Variants in GCNT2 observed in about 807,000 individuals in gnomAD.
GCNT2 encodes the protein N-acetyllactosaminide beta-1,6-N-acetylglucosaminyl-transferase.
In GCNT2, 34 loss-of-function variants were observed where a neutral mutation model predicts 34.2. The observed-to-expected ratio is 1.00, with a 90% CI of 0.76 to 1.32. The LOEUF (loss-of-function observed/expected upper bound fraction) is 1.32. GCNT2 is among the 40% of genes most tolerant of loss of function. The probability of loss-of-function intolerance (pLI) is 0.00; values close to 1 mark genes in which losing one functional copy is unlikely to be tolerated. For missense variants in GCNT2, 584 were observed against 489.4 expected (o/e 1.19, Z -1.82); for synonymous variants, 212 against 188.0 (o/e 1.13, Z -1.04).
chr6:10,615,705 TAGAC>T (rs34689073), intron 3 of GCNT2, among the ~76,000 whole-genome samples: 1,962 of 118,310 alleles, frequency 0.017, 38 homozygotes, highest in African/African-American at 0.081. Context: ...GGCCACTCCA[TAGAC>T]AGAGCAACCC....
At chr6:10,610,592 G>A (rs958902313) in intron 3 of GCNT2, among the ~76,000 whole-genome samples, 1 of 152,136 alleles carries the variant, frequency 6.6e-6, no homozygotes. Context: ...CTGGCTTGAA[G>A]GCATTTAGGC....
At chr6:10,593,277 A>G (rs1056555557) in intron 3 of GCNT2, among the ~76,000 whole-genome samples, 11 of 152,142 alleles carry the variant, frequency 7.2e-5, no homozygotes, top group Non-Finnish European at 1.3e-4. Context: ...CAACTCATTC[A>G]TCCTCCTGTC....
chr6:10,561,052 C>T (rs1004681520), intron 3 of GCNT2, among the ~76,000 whole-genome samples: 7 of 152,346 alleles, frequency 4.6e-5, no homozygotes, highest in African/African-American at 1.7e-4. Context: ...TTCTGACTTC[C>T]GGTACACCCT....
chr6:10,568,557 T>G (rs772219672), intron 3 of GCNT2, among the ~76,000 whole-genome samples: 18 of 152,198 alleles, frequency 1.2e-4, no homozygotes, highest in Admixed American at 7.2e-4. Context: ...ATATTTTGCT[T>G]CTTAAGACAT....
rs1456496924 is a variant in GCNT2 at position 10,529,448 on chromosome 6, C to T, written c.537C>T (p.Ala179=). ...ADLNCLEDLV[A]SEVPWKYVIN... ...TGAACTGCCTGGAAGACCTTGTGGC[C>T]TCTGAAGTTCCCTGGAAGTATGTCA... The change falls in exon 3 of 5, where the codon GCC becomes GCT. Residue 179 remains alanine (A), a synonymous_variant. Transcript: ENST00000495262. 3 of 1,614,004 alleles carry T rather than the reference C, an allele frequency of 1.9e-6. No individual in the cohort carries two copies. The highest frequency in any genetic ancestry group is 2.5e-6 in the Non-Finnish European group (3 of 1,180,016).
At chr6:10,569,274 C>CACACACACACACACACACA (rs1491123758) in intron 3 of GCNT2, among the ~76,000 whole-genome samples, 145 of 137,100 alleles carry the variant, frequency 1.1e-3, no homozygotes, top group South Asian at 2.4e-3. Context: ...CACACACACA[C>CACACACACACACACACACA]CCCCTAGGTA....
rs376038250 is a variant in GCNT2 at position 10,529,523 on chromosome 6, T to G, written c.612T>G (p.Val204=). The G allele has an allele frequency of 6.2e-7, 1 of 1,613,938 alleles. No homozygotes were observed. Among genetic ancestry groups the G allele is most frequent in the African/African-American group, 1.3e-5 (1 of 74,888 alleles). Residue 204 remains valine (V), a synonymous_variant, in exon 3 of 5, where the codon GTT becomes GTG. Transcript: ENST00000495262. ...DFPLKTNREI[V]QYLKGFKGKN... The stretch of plus-strand genomic sequence containing the variant: ...CCCTGAAAACCAACAGGGAAATAGT[T>G]CAGTATCTGAAGGGATTTAAAGGGA...
At chr6:10,601,684 G>A (rs1431809537) in intron 3 of GCNT2, among the ~76,000 whole-genome samples, 1 of 152,144 alleles carries the variant, frequency 6.6e-6, no homozygotes, top group African/African-American at 2.4e-5. Context: ...GCTCACGCCT[G>A]TAATCTCAGC....
At chr6:10,605,971 G>T (rs1765293298) in intron 3 of GCNT2, among the ~76,000 whole-genome samples, 1 of 152,132 alleles carries the variant, frequency 6.6e-6, no homozygotes, top group African/African-American at 2.4e-5. Context: ...TGCCTCAGCT[G>T]CTTCACTTGA....
intron 3 of GCNT2, among the ~76,000 whole-genome samples, chr6:10,564,913 A>G (rs1198657120): frequency 6.6e-6 from 1 of 151,244 alleles, no homozygotes; most frequent in Admixed American, 6.6e-5. Flanking sequence ...GCCAATAAAT[A>G]GTAGAGAGAG....
intron 3 of GCNT2, among the ~76,000 whole-genome samples, chr6:10,531,804 A>G (rs906074375): frequency 6.6e-6 from 1 of 151,412 alleles, no homozygotes; most frequent in Admixed American, 6.6e-5. Flanking sequence ...TGGCCACCCT[A>G]CTATACGGGG....
At chr6:10,589,360 C>G (rs192124478) in intron 3 of GCNT2, among the ~76,000 whole-genome samples, 25 of 111,382 alleles carry the variant, frequency 2.2e-4, no homozygotes, top group African/African-American at 5.5e-4. Context: ...TGGTGTGTTT[C>G]TAGTGTGTGT....
intron 3 of GCNT2, among the ~76,000 whole-genome samples, chr6:10,544,379 T>C (rs1762172190): frequency 1.3e-5 from 2 of 150,774 alleles, no homozygotes; most frequent in Non-Finnish European, 3.0e-5. Flanking sequence ...CTGAGGCAGG[T>C]GGATCACGAG....
rs562841202 is a variant in GCNT2, at chr6:10,531,430, G to A, written c.925+1594G>A. On this transcript the variant is annotated intron_variant, in intron 3 of 4. Coordinates refer to ENST00000495262, the MANE Select transcript of GCNT2 (RefSeq NM_145649.5). ...TGGTTCAACCCTGGATGCACATTAC[G>A]ATCATCTGGGGCTTCTAAAAATAAC... is the stretch of plus-strand genomic sequence containing the variant. Among the ~76,000 whole-genome samples, 3 of 152,302 alleles carry A rather than the reference G, an allele frequency of 2.0e-5. No homozygotes were observed. In the South Asian group the frequency reaches 6.2e-4, roughly 32 times the overall value.
chr6:10,577,949 C>T (rs1317031205), intron 3 of GCNT2, among the ~76,000 whole-genome samples: 1 of 152,154 alleles, frequency 6.6e-6, no homozygotes, highest in African/African-American at 2.4e-5. Context: ...CTTGATTTAA[C>T]CCACCACCAC....
intron 3 of GCNT2, among the ~76,000 whole-genome samples, chr6:10,535,048 G>A (rs1018258156): frequency 1.3e-5 from 2 of 152,114 alleles, no homozygotes; most frequent in Non-Finnish European, 2.9e-5. Flanking sequence ...ACCGGGTGTG[G>A]TGGTGCATGC....
chr6:10,595,987 A>G (rs1452514636), intron 3 of GCNT2, among the ~76,000 whole-genome samples: 2 of 152,334 alleles, frequency 1.3e-5, no homozygotes, highest in African/African-American at 4.8e-5. Flanking sequence ...AATTCTCATA[A>G]ATAAGTAGCT....
Position 10,621,731 on chromosome 6 carries a change from A to G in GCNT2, c.1018+288A>G, listed in dbSNP as rs9460947. The stretch of plus-strand genomic sequence containing the variant: ...TTCAGCTTTCTTTCTTTCTTTAGAG[A>G]CAGGGTTTCACTCTGTCATTCAAGC... On this transcript the variant is annotated intron_variant, in intron 4 of 4. Coordinates refer to ENST00000495262, the MANE Select transcript of GCNT2 (RefSeq NM_145649.5). 26,472 of 383,496 alleles carry G rather than the reference A, an allele frequency of 0.069. 1,580 individuals are homozygous for G. Among genetic ancestry groups the G allele is most frequent in the African/African-American group, 0.21 (10,022 of 47,840 alleles). 23.8% of individuals were successfully genotyped at this position (383,496 alleles called of 1,614,324 possible). A position where few individuals can be genotyped will look rare whatever the true frequency, so the allele number is the denominator to read the frequency against.
At position 10,610,326 on chromosome 6, in the gene GCNT2, G is replaced by A. The variant is rs1400540299; in HGVS notation, c.926-11025G>A. Among the ~76,000 whole-genome samples the A allele has an allele frequency of 2.6e-5, 4 of 152,166 alleles. No homozygotes were observed. In the East Asian group the frequency reaches 7.7e-4, roughly 29 times the overall value. On this transcript the variant is annotated intron_variant, in intron 3 of 4. Coordinates refer to ENST00000495262, the MANE Select transcript of GCNT2 (RefSeq NM_145649.5). ...TGGCAGGGTTTAGTGGAGCAAAGAA[G>A]GGAACATTCTCAGGCTACATGTCTG...
Sources: gnomAD v4.1 joint callset for allele counts (sites outside exome capture counted in the v4.1 genomes callset) on GRCh38, gnomAD v4.1.1 for gene constraint, MANE v1.5 for transcripts, NCBI Gene and HGNC (gene_info 2026-07-23, HGNC 2026-07-21) for gene names.